DDX31: variants seen among roughly 807,000 people sequenced by gnomAD.
DDX31 encodes ATP-dependent DNA helicase DDX31.
A neutral mutation model predicts 91.3 loss-of-function variants in DDX31; 70 were observed. The observed-to-expected ratio is 0.77, with a 90% confidence interval of 0.63 to 0.94. DDX31 has a LOEUF of 0.94. DDX31 is among the 40% of genes least tolerant of loss of function. DDX31 has a pLI of 0.00. For missense variants in DDX31, 902 were observed against 925.0 expected, an observed-to-expected ratio of 0.98 and a Z score of 0.32; for synonymous variants, 362 against 350.6, an observed-to-expected ratio of 1.03 and a Z score of -0.36.
chr9:132,669,791 C>T, intron 1 of DDX31, 69 bp downstream of exon 1: 1 of 1,520,404 alleles, frequency 6.6e-7, no homozygotes, highest in Non-Finnish European at 8.8e-7. Flanking sequence ...CAAGGCACGG[C>T]TGCAGCTCGC....
In DDX31 at chr9:132,658,667, A is replaced by T. The variant is rs113944031; in HGVS notation, c.588+4T>A. 2.8e-5 allele frequency: 45 copies of T among 1,613,290 alleles called. No homozygotes were observed. The highest frequency in any genetic ancestry group is 1.1e-4 in the African/African-American group (8 of 74,908). On this transcript the variant is annotated splice_donor_region_variant and intron_variant, in intron 6 of 19. Transcript: ENST00000372159. Reference sequence around the variant, plus strand: ...AATGACAGAAAAACACATTTGATACACACCTGTATTTTTGACTCCATTGCT... The same window carrying T: ...AATGACAGAAAAACACATTTGATACTCACCTGTATTTTTGACTCCATTGCT...
chr9:132,651,767 T>G lies in DDX31; in HGVS notation c.634-651A>C, dbSNP rs559488233. The stretch of plus-strand genomic sequence containing the variant: ...AACGTATATACAGTTTCCACATATT[T>G]AGTATTCATGAAGCATCCTCGAGAA... On this transcript the variant is annotated intron_variant, in intron 7 of 19. Transcript: ENST00000372159. 4.6e-5 allele frequency among the ~76,000 whole-genome samples: 7 copies of G among 152,358 alleles called. No individual in the cohort carries two copies. In the East Asian group the frequency reaches 1.2e-3, roughly 25 times the overall value.
intron 14 of DDX31, among the ~76,000 whole-genome samples, chr9:132,636,997 A>G (rs1383105420): frequency 1.3e-5 from 2 of 152,198 alleles, no homozygotes; most frequent in Non-Finnish European, 2.9e-5. Flanking sequence ...TATATGACAA[A>G]TATCTTCAGA....
rs190512130 is a variant in DDX31 at position 132,647,557 on chromosome 9, A to G, written c.968-499T>C. 2.7e-4 allele frequency among the ~76,000 whole-genome samples: 41 copies of G among 152,302 alleles called. No individual in the cohort carries two copies. In the East Asian group the frequency reaches 7.9e-3, roughly 29 times the overall value. ...AGAACATAGGGAACTGTGAGGGACCACATGCATGGCATCTGGTACATGCAC... is the reference window on the plus strand; with the variant it reads ...AGAACATAGGGAACTGTGAGGGACCGCATGCATGGCATCTGGTACATGCAC... On this transcript the variant is annotated intron_variant, in intron 11 of 19. Coordinates refer to ENST00000372159, the MANE Select transcript of DDX31 (RefSeq NM_022779.9).
intron 15 of DDX31, 147 bp downstream of exon 15, chr9:132,631,894 G>T: frequency 3.1e-6 from 2 of 651,130 alleles, no homozygotes; most frequent in East Asian, 2.9e-5. Flanking sequence ...GATGTCAGGG[G>T]AATTGAACAG....
In DDX31 at chr9:132,612,184, G is replaced by C. The variant is rs1379187131; in HGVS notation, c.1897C>G (p.Leu633Val). The C allele has an allele frequency of 2.5e-6, 4 of 1,614,234 alleles. No individual in the cohort carries two copies. The South Asian group carries it at 4.4e-5, about 18-fold the overall frequency. Residue 633 changes from leucine to valine, a missense_variant, in exon 19 of 20, where the codon CTC (leucine) becomes GTC (valine). By Grantham distance (32) the Leu-to-Val change is conservative (BLOSUM62 1). Coordinates refer to ENST00000372159, the MANE Select transcript of DDX31 (RefSeq NM_022779.9). Reference protein sequence around the residue: ...ELKHIFHVRSLHLGHVAKSFG... With the variant: ...ELKHIFHVRSVHLGHVAKSFG... ...CTCTTCGCCACATGCCCAAGGTGGA[G>C]GGATCGGACGTGGAAGATGTGCTTC...
chr9:132,646,115 T>G (rs762167263), intron 12 of DDX31, 44 bp from the exon 13 acceptor site: 3 of 1,588,444 alleles, frequency 1.9e-6, no homozygotes, highest in South Asian at 2.2e-5. Flanking sequence ...ATTTTAAGAT[T>G]AGGTGACGCC....
chr9:132,665,821 G>A (rs1835268635), intron 1 of DDX31, among the ~76,000 whole-genome samples: 1 of 152,128 alleles, frequency 6.6e-6, no homozygotes, highest in Non-Finnish European at 1.5e-5. Context: ...TATCAACACA[G>A]GTACTGTTAT....
chr9:132,634,954 A>G (rs1273355186), intron 14 of DDX31, among the ~76,000 whole-genome samples: 2 of 152,046 alleles, frequency 1.3e-5, no homozygotes, highest in Non-Finnish European at 2.9e-5. Context: ...AGACTTCCTT[A>G]GTTTGGAACC....
At chr9:132,653,411 T>C (rs1672918548) in intron 6 of DDX31, among the ~76,000 whole-genome samples, 1 of 141,836 alleles carries the variant, frequency 7.1e-6, no homozygotes, top group African/African-American at 2.6e-5. Context: ...GGAGAATCAC[T>C]TGAACCCAGG....
At chr9:132,655,140 T>C (rs527886109) in intron 6 of DDX31, among the ~76,000 whole-genome samples, 1 of 152,190 alleles carries the variant, frequency 6.6e-6, no homozygotes, top group African/African-American at 2.4e-5. Flanking sequence ...AGACCATATG[T>C]GTGTGTAAAG....
At chr9:132,616,423 T>C (rs952435055) in intron 18 of DDX31, among the ~76,000 whole-genome samples, 1 of 152,210 alleles carries the variant, frequency 6.6e-6, no homozygotes, top group Non-Finnish European at 1.5e-5. Flanking sequence ...CCTTTAAGAA[T>C]TACTGTAACT....
rs1830405054 is a variant in DDX31, at chr9:132,595,669, C to T, written c.1995-557G>A. On this transcript the variant is annotated intron_variant, in intron 19 of 19. Transcript: ENST00000372159. The surrounding 1 kb of genome is among the most constrained non-coding windows in gnomAD (Gnocchi z 4.6). Reference sequence around the variant, plus strand: ...GATAGCTCTTTATGAACGGAAAAAACTCTTAAACATATTTCTGACCCTACA... The same window carrying T: ...GATAGCTCTTTATGAACGGAAAAAATTCTTAAACATATTTCTGACCCTACA... 6.6e-6 allele frequency among the ~76,000 whole-genome samples: 1 copy of T among 152,194 alleles called. No homozygotes were observed. Among genetic ancestry groups the T allele is most frequent in the African/African-American group, 2.4e-5 (1 of 41,444 alleles).
At chr9:132,653,229 C>G (rs1227952254) in intron 6 of DDX31, among the ~76,000 whole-genome samples, 1 of 151,806 alleles carries the variant, frequency 6.6e-6, no homozygotes, top group Non-Finnish European at 1.5e-5. Flanking sequence ...TGCAGTGGCT[C>G]ACGCCTGTAA....
chr9:132,643,763 A>G (rs1015090871), intron 13 of DDX31, among the ~76,000 whole-genome samples: 2 of 152,166 alleles, frequency 1.3e-5, no homozygotes, highest in Non-Finnish European at 2.9e-5. Context: ...CAGACCCTCA[A>G]AAGGACAGAT....
In DDX31 at chr9:132,651,125, A is replaced by T; in HGVS notation, c.634-9T>A. The T allele has an allele frequency of 6.2e-7, 1 of 1,607,118 alleles. No homozygotes were observed. Among genetic ancestry groups the T allele is most frequent in the South Asian group, 1.1e-5 (1 of 89,038 alleles). On this transcript the variant is annotated splice_polypyrimidine_tract_variant and intron_variant, in intron 7 of 19. Transcript: ENST00000372159. ...AAGCTTTGTAGAGCTAGCTGTAAAAATTTTAAAAGTTATAGATGATGAACA... is the reference window on the plus strand; with the variant it reads ...AAGCTTTGTAGAGCTAGCTGTAAAATTTTTAAAAGTTATAGATGATGAACA...
chr9:132,622,893 G>A (rs191871937), intron 17 of DDX31, among the ~76,000 whole-genome samples: 1 of 152,234 alleles, frequency 6.6e-6, no homozygotes, highest in Non-Finnish European at 1.5e-5. Context: ...CACTTTGGGA[G>A]GCCAAGATGG....
intron 14 of DDX31, among the ~76,000 whole-genome samples, chr9:132,637,349 G>C (rs1223540374): frequency 1.3e-5 from 2 of 152,352 alleles, no homozygotes; most frequent in Admixed American, 1.3e-4. Flanking sequence ...GCTAAAGTCA[G>C]TTCTGAAAGA....
intron 6 of DDX31, among the ~76,000 whole-genome samples, chr9:132,654,393 T>C (rs1207449080): frequency 6.6e-6 from 1 of 152,156 alleles, no homozygotes; most frequent in African/African-American, 2.4e-5. Flanking sequence ...GGTGGATTAC[T>C]TGAGGTCAGG....
Sources: allele counts gnomAD v4.1 joint callset (sites outside exome capture counted in the v4.1 genomes callset), GRCh38; gene constraint gnomAD v4.1.1; non-coding constraint Gnocchi (gnomAD v3.1); transcripts MANE v1.5; gene names NCBI Gene and HGNC (gene_info 2026-07-23, HGNC 2026-07-21).